Variants in SERINC4 observed in about 807,000 individuals in gnomAD.
The protein encoded by SERINC4 is serine incorporator 4.
Under a neutral mutation model 52.0 loss-of-function variants are expected in SERINC4, and 52 were observed. The observed-to-expected ratio is 1.00, with a 90% CI of 0.80 to 1.26. The LOEUF (loss-of-function observed/expected upper bound fraction) is 1.26. Ranked by LOEUF, SERINC4 falls within the 50% of genes most tolerant of loss-of-function variation. The pLI is 0.00. For missense variants in SERINC4, 723 were observed against 632.8 expected (o/e 1.14, Z -1.53); for synonymous variants, 264 against 247.7 (o/e 1.07, Z -0.62).
rs2087188929 is a variant in SERINC4, at chr15:43,795,469, A to C, written c.1262T>G (p.Leu421Arg). The change falls in exon 11 of 12, where the codon CTT becomes CGT. Residue 421 changes from leucine (L) to arginine (R), a missense_variant. Coordinates refer to ENST00000319327, the MANE Select transcript of SERINC4 (RefSeq NM_001258031.2). The part of the protein sequence containing the change: ...PPAPPVQVQH[L>R]SYNYSAFHFV... ...GTGGAAGGCAGAATAGTTGTAGGAA[A>C]GATGCTGGACTTGGACTGGAGGAGC... is the stretch of plus-strand genomic sequence containing the variant. 6.2e-7 allele frequency: 1 copy of C among 1,614,098 alleles called. No homozygotes were observed. Among genetic ancestry groups the C allele is most frequent in the Non-Finnish European group, 8.5e-7 (1 of 1,180,038 alleles).
chr15:43,796,010 C>A, intron 9 of SERINC4, 145 bp downstream of exon 9: 1 of 700,686 alleles, frequency 1.4e-6, no homozygotes, highest in Non-Finnish European at 2.5e-6. Flanking sequence ...AAGTATCTAG[C>A]ACAGTTGCCT....
At chr15:43,796,091 G>T in intron 9 of SERINC4, 64 bp downstream of exon 9, 2 of 1,183,398 alleles carry the variant, frequency 1.7e-6, no homozygotes, top group Non-Finnish European at 2.5e-6. Context: ...AGGTTGGTAG[G>T]ATGTGTGTGT....
Position 43,797,150 on chromosome 15 carries a change from C to G in SERINC4, c.839G>C (p.Arg280Pro). Reference sequence around the variant, plus strand: ...GCTGTAGGACATGTACCCACTGAGGCGGATGCAAGGAGCGATGGAGAGGAA... The same window carrying G: ...GCTGTAGGACATGTACCCACTGAGGGGGATGCAAGGAGCGATGGAGAGGAA... ...ISFLSIAPCI[R>P]LKQPRSGLLQ... Residue 280 changes from arginine to proline, a missense_variant, in exon 6 of 12, where the codon CGC (arginine) becomes CCC (proline). By Grantham distance (103) the Arg-to-Pro change is moderately radical. Transcript: ENST00000319327. The G allele has an allele frequency of 6.4e-7, 1 of 1,551,006 alleles. No individual in the cohort carries two copies. Among genetic ancestry groups the G allele is most frequent in the Non-Finnish European group, 8.7e-7 (1 of 1,146,916 alleles).
chr15:43,798,614 G>C (rs1377820445), intron 3 of SERINC4, 110 bp from the exon 4 acceptor site: 4 of 801,900 alleles, frequency 5.0e-6, no homozygotes, highest in Non-Finnish European at 8.5e-6. Flanking sequence ...AAAGAGGACA[G>C]ACGAGACAAC....
At chr15:43,796,073 C>T (rs1244027935) in intron 9 of SERINC4, 82 bp downstream of exon 9, 1 of 1,011,406 alleles carries the variant, frequency 9.9e-7, no homozygotes, top group East Asian at 2.4e-5. Flanking sequence ...TCTGAGCATT[C>T]TGGGTAGAGG....
chr15:43,799,139 T>C lies in SERINC4; in HGVS notation c.280-2A>G. ...ACACAACCCCGAGGGCATCTGGATC[T>C]GGGAGTGTGTGTGAGAGAAATGGCA... On this transcript the variant is annotated splice_acceptor_variant, in intron 2 of 11. Coordinates refer to ENST00000319327, the MANE Select transcript of SERINC4 (RefSeq NM_001258031.2). LOFTEE classifies it high-confidence loss of function. 6.5e-7 allele frequency: 1 copy of C among 1,547,222 alleles called. No individual in the cohort carries two copies. The highest frequency in any genetic ancestry group is 8.7e-7 in the Non-Finnish European group (1 of 1,144,140).
chr15:43,796,075 G>A, intron 9 of SERINC4, 80 bp downstream of exon 9: 1 of 1,021,864 alleles, frequency 9.8e-7, no homozygotes, highest in South Asian at 1.3e-5. Flanking sequence ...TGAGCATTCT[G>A]GGTAGAGGTT....
Position 43,799,300 on chromosome 15 carries a change from T to C in SERINC4, c.279+10A>G, listed in dbSNP as rs568156818. On this transcript the variant is annotated intron_variant, in intron 2 of 11. Coordinates refer to ENST00000319327, the MANE Select transcript of SERINC4 (RefSeq NM_001258031.2). ...CTTCCCACCTGACAACCCGACCCCCTCTCACTTACCCTGTGTGTCTTGCCC... is the reference window on the plus strand; with the variant it reads ...CTTCCCACCTGACAACCCGACCCCCCCTCACTTACCCTGTGTGTCTTGCCC... 8.3e-5 allele frequency: 128 copies of C among 1,549,588 alleles called. No individual in the cohort carries two copies. In the African/African-American group the frequency reaches 1.5e-3, roughly 19 times the overall value.
rs181975872 is a variant in SERINC4, at chr15:43,796,842, T to C, written c.940+3A>G. On this transcript the variant is annotated splice_donor_region_variant and intron_variant, in intron 7 of 11. Transcript: ENST00000319327. ...CATGGAGAATCCAGGTCCTGTCCCT[T>C]ACCTCTCTCTGGAGGACGGCTGGAC... 31 of 1,613,774 alleles carry C rather than the reference T, an allele frequency of 1.9e-5. No individual in the cohort carries two copies. The African/African-American group carries it at 3.6e-4, about 19-fold the overall frequency.
chr15:43,795,150 C>G lies in SERINC4; in HGVS notation c.1407G>C (p.Lys469Asn). 6.2e-7 allele frequency: 1 copy of G among 1,614,156 alleles called. No homozygotes were observed. Among genetic ancestry groups the G allele is most frequent in the African/African-American group, 1.3e-5 (1 of 75,016 alleles). Residue 469 changes from lysine to asparagine, a missense_variant, in exon 12 of 12, where the codon AAG becomes AAC. Physicochemically the swap from Lys to Asn is moderately conservative, Grantham distance 94. Transcript: ENST00000319327. ...IKGSWATFWV[K>N]VASCWACVLL... ...GTACGCAGGCCCAGCATGAGGCAACCTTGACCCAGAAGGTGGCCCAGCTAC... is the reference window on the plus strand; with the variant it reads ...GTACGCAGGCCCAGCATGAGGCAACGTTGACCCAGAAGGTGGCCCAGCTAC...
In SERINC4 at chr15:43,800,181, C is replaced by T. The variant is rs1316145253; in HGVS notation, c.-195G>A. ...CAAATGCCCTGTGAAGGAGCTTTGTCCTTAGGGCCTCAACACTGCGGCCAC... is the reference window on the plus strand; with the variant it reads ...CAAATGCCCTGTGAAGGAGCTTTGTTCTTAGGGCCTCAACACTGCGGCCAC... On this transcript the variant is annotated 5_prime_UTR_variant, in exon 1 of 12. Transcript: ENST00000319327. 2 of 591,016 alleles carry T rather than the reference C, an allele frequency of 3.4e-6. No individual in the cohort carries two copies. The highest frequency in any genetic ancestry group is 6.0e-6 in the Non-Finnish European group (2 of 334,346). The allele number at this position is 591,016 out of a possible 1,614,324, so 36.6% of individuals were successfully genotyped here.
Position 43,796,848 on chromosome 15 carries a change from T to A in SERINC4, c.937A>T (p.Arg313Ter). The change falls in exon 7 of 12, where the codon AGA (arginine) becomes TGA (stop). Residue 313 changes from arginine (R) to a stop codon, truncating the protein, a stop_gained. Coordinates refer to ENST00000319327, the MANE Select transcript of SERINC4 (RefSeq NM_001258031.2). LOFTEE classifies it high-confidence loss of function. Reference protein sequence around the residue: ...FSALSSRPPERVILQGQNHTL... With the variant: ...FSALSSRPPE ...GAATCCAGGTCCTGTCCCTTACCTC[T>A]CTCTGGAGGACGGCTGGACAGTGCA... The A allele has an allele frequency of 6.2e-7, 1 of 1,613,936 alleles. No individual in the cohort carries two copies. The highest frequency in any genetic ancestry group is 2.2e-5 in the East Asian group (1 of 44,888).
In SERINC4 at chr15:43,798,642, C is replaced by G. The variant is rs557562534; in HGVS notation, c.459-138G>C. 1.0e-5 allele frequency: 7 copies of G among 689,884 alleles called. No individual in the cohort carries two copies. In the South Asian group the frequency reaches 1.2e-4, roughly 12 times the overall value. The allele number at this position is 689,884 out of a possible 1,614,324, so 42.7% of individuals were successfully genotyped here. ...GAGACAACTAAGGAGGAACCAATCC[C>G]AAATGAGAGGGGGTTGGGACAGGCC... On this transcript the variant is annotated intron_variant, in intron 3 of 11. Coordinates refer to ENST00000319327, the MANE Select transcript of SERINC4 (RefSeq NM_001258031.2).
rs1325892656 is a variant in SERINC4, at chr15:43,794,167, G to C, written c.*833C>G. 3 of 560,364 alleles carry C rather than the reference G, an allele frequency of 5.4e-6. No homozygotes were observed. Among genetic ancestry groups the C allele is most frequent in the Non-Finnish European group, 9.3e-6 (3 of 321,760 alleles). 34.7% of individuals were successfully genotyped at this position (560,364 alleles called of 1,614,324 possible). A position where few individuals can be genotyped will look rare whatever the true frequency, so the allele number is the denominator to read the frequency against. ...TTGTGGGTATGTAGACTTAATAAGT[G>C]AAACATCACAGAAGAAGCCTTTATT... On this transcript the variant is annotated 3_prime_UTR_variant, in exon 12 of 12. Coordinates refer to ENST00000319327, the MANE Select transcript of SERINC4 (RefSeq NM_001258031.2).
At chr15:43,799,577 G>C (rs1567172812) in intron 1 of SERINC4, 91 bp from the exon 2 acceptor site, 1 of 1,467,362 alleles carries the variant, frequency 6.8e-7, no homozygotes, top group Non-Finnish European at 9.3e-7. Flanking sequence ...CCAGGAGGTT[G>C]AATTCCAAAA....
chr15:43,798,569 A>G, intron 3 of SERINC4, 65 bp from the exon 4 acceptor site: 2 of 1,254,618 alleles, frequency 1.6e-6, no homozygotes, highest in Non-Finnish European at 2.3e-6. Flanking sequence ...AAGAGTGCCT[A>G]TGGGGAAAGG....
rs142745250 is a variant in SERINC4 at position 43,797,703 on chromosome 15, C to CT, written c.632+216dup. The CT allele has an allele frequency of 1.4e-3, 780 of 558,984 alleles. 6 individuals carry two copies. Among genetic ancestry groups the CT allele is most frequent in the African/African-American group, 0.013 (703 of 53,064 alleles). The allele number at this position is 558,984 out of a possible 1,614,324, so 34.6% of individuals were successfully genotyped here. ...ACCGTGCCCAGCTGGAGCTCCAACT[C>CT]TTTTACCCATTACCAACTACTCCCC... On this transcript the variant is annotated intron_variant, in intron 5 of 11. Coordinates refer to ENST00000319327, the MANE Select transcript of SERINC4 (RefSeq NM_001258031.2).
chr15:43,797,353 C>T lies in SERINC4; in HGVS notation c.636G>A (p.Gln212=). ...AFAHSWNKNW[Q]TGAAQDCSWF... is the part of the protein sequence containing the mutation. ...AGCTACAGTCTTGAGCTGCACCTGTCTGCCTAAGGGTGGAAAGTGGGCAAT... is the reference window on the plus strand; with the variant it reads ...AGCTACAGTCTTGAGCTGCACCTGTTTGCCTAAGGGTGGAAAGTGGGCAAT... Residue 212 remains glutamine, a synonymous_variant, in exon 6 of 12, where the codon CAG becomes CAA. Transcript: ENST00000319327. 2 of 1,547,804 alleles carry T rather than the reference C, an allele frequency of 1.3e-6. No homozygotes were observed. Among genetic ancestry groups the T allele is most frequent in the Non-Finnish European group, 1.7e-6 (2 of 1,146,614 alleles).
At chr15:43,795,758 T>G (rs780841671) in intron 9 of SERINC4, 22 bp from the exon 10 acceptor site, 1 of 1,612,376 alleles carries the variant, frequency 6.2e-7, no homozygotes, top group Non-Finnish European at 8.5e-7. Flanking sequence ...AACGCAGGTT[T>G]TGGAATGGTC....
Sources: gnomAD v4.1 joint callset for allele counts on GRCh38, gnomAD v4.1.1 for gene constraint, MANE v1.5 for transcripts, NCBI Gene and HGNC (gene_info 2026-07-23, HGNC 2026-07-21) for gene names.